Variants in RBPJ observed in about 807,000 individuals in gnomAD.
The protein encoded by RBPJ is recombining binding protein suppressor of hairless.
Under a neutral mutation model 67.8 loss-of-function variants are expected in RBPJ, and 9 were observed. The observed-to-expected ratio is 0.13, with a 90% CI of 0.08 to 0.23. RBPJ has a LOEUF of 0.23. Among genes scored for constraint, RBPJ ranks in the 10% least tolerant of loss-of-function variants. RBPJ has a pLI of 1.00. For missense variants in RBPJ, 305 were observed against 595.6 expected, an observed-to-expected ratio of 0.51 and a Z score of 5.08; for synonymous variants, 198 against 203.3, an observed-to-expected ratio of 0.97 and a Z score of 0.22.
At chr4:26,286,472 C>CAAAAAAAAAAAAAA (rs57556548) in intron 1 of RBPJ, among the ~76,000 whole-genome samples, 1 of 99,490 alleles carries the variant, frequency 1.0e-5, no homozygotes, top group Non-Finnish European at 1.9e-5. Context: ...GACCCTGCCT[C>CAAAAAAAAAAAAAA]AAAAAAAAAA....
At chr4:26,362,538 C>A in intron 1 of RBPJ, 1 of 1,602,622 alleles carries the variant, frequency 6.2e-7, no homozygotes, top group Non-Finnish European at 8.5e-7. Flanking sequence ...GATACAGATA[C>A]ACTGGCTGAG....
At chr4:26,405,123 C>T (rs998003025) in intron 2 of RBPJ, among the ~76,000 whole-genome samples, 14 of 152,158 alleles carry the variant, frequency 9.2e-5, no homozygotes, top group Non-Finnish European at 1.8e-4. Context: ...CTCCTTTAAT[C>T]CCCTCAGCCA....
intron 1 of RBPJ, among the ~76,000 whole-genome samples, chr4:26,348,943 G>A (rs1377994747): frequency 1.3e-5 from 2 of 152,230 alleles, no homozygotes; most frequent in East Asian, 3.9e-4. Flanking sequence ...CTGGCTTCTA[G>A]TTATCCTCCT....
rs1222876551 is a variant in RBPJ at position 26,306,712 on chromosome 4, G to A, written c.-166-55734G>A. On this transcript the variant is annotated intron_variant, in intron 1 of 4. Coordinates refer to the RBPJ transcript ENST00000512351. ...GATCCACCCGCTTCAGCCTCCCAAAGTGCTGGGATTACAGGCATGAGTCAC... is the reference window on the plus strand; with the variant it reads ...GATCCACCCGCTTCAGCCTCCCAAAATGCTGGGATTACAGGCATGAGTCAC... 2.0e-5 allele frequency among the ~76,000 whole-genome samples: 3 copies of A among 151,860 alleles called. No individual in the cohort carries two copies. In the East Asian group the frequency reaches 5.8e-4, roughly 29 times the overall value.
At chr4:26,325,586 T>G (rs971494788) in intron 1 of RBPJ, among the ~76,000 whole-genome samples, 1 of 152,232 alleles carries the variant, frequency 6.6e-6, no homozygotes, top group African/African-American at 2.4e-5. Context: ...GTTGTGAAGA[T>G]TAAATGAGAT....
chr4:26,219,966 G>A (rs1314100675), intron 1 of RBPJ, among the ~76,000 whole-genome samples: 1 of 150,092 alleles, frequency 6.7e-6, no homozygotes, highest in Admixed American at 6.6e-5. Context: ...TGTATTTTTA[G>A]TAGAGACGGG....
chr4:26,263,093 A>C (rs1720592811), intron 1 of RBPJ, among the ~76,000 whole-genome samples: 1 of 152,146 alleles, frequency 6.6e-6, no homozygotes, highest in Admixed American at 6.5e-5. Flanking sequence ...CTAGGTTCGC[A>C]CTTTGATTGT....
intron 1 of RBPJ, among the ~76,000 whole-genome samples, chr4:26,368,843 C>T (rs943665160): frequency 1.3e-5 from 2 of 152,172 alleles, no homozygotes; most frequent in African/African-American, 4.8e-5. Flanking sequence ...CAGGGATAGG[C>T]CAGAGATAAA....
intron 1 of RBPJ, among the ~76,000 whole-genome samples, chr4:26,185,754 G>T (rs766308578): frequency 2.0e-5 from 3 of 152,170 alleles, no homozygotes; most frequent in Non-Finnish European, 2.9e-5. Context: ...GCCAGGCAAA[G>T]GTTGGATATA....
chr4:26,272,708 A>G (rs759988644), intron 1 of RBPJ: 202 of 454,384 alleles, frequency 4.4e-4, no homozygotes, highest in Middle Eastern at 1.6e-3. Context: ...GCTTAAAAAT[A>G]GGGCTTACTT....
chr4:26,287,385 G>C (rs1721501882), intron 1 of RBPJ, among the ~76,000 whole-genome samples: 1 of 151,308 alleles, frequency 6.6e-6, no homozygotes, highest in East Asian at 2.0e-4. Context: ...AGCAAAAAAA[G>C]TAAAAAATAT....
chr4:26,371,453 A>G (rs1185917939), intron 1 of RBPJ, among the ~76,000 whole-genome samples: 5 of 152,228 alleles, frequency 3.3e-5, no homozygotes, highest in Non-Finnish European at 5.9e-5. Flanking sequence ...CTATTAAGAA[A>G]AAATACTGCC....
the RBPJ span, among the ~76,000 whole-genome samples, chr4:26,114,251 G>A: frequency 1.3e-4 from 20 of 152,032 alleles, no homozygotes; most frequent in East Asian, 1.9e-4. Context: ...CTGAGGTCAG[G>A]AGTTCGAGAC....
chr4:26,386,333 C>A lies in RBPJ; in HGVS notation c.21-20C>A. ...CATAAAGCTTACTTAACTTTATTTT[C>A]TTTATTTTTTTTTTTCCAGGAAATT... On this transcript the variant is annotated intron_variant, in intron 1 of 10. Coordinates refer to ENST00000355476, the MANE Select transcript of RBPJ (RefSeq NM_015874.6). 6.5e-7 allele frequency: 1 copy of A among 1,526,750 alleles called. No individual in the cohort carries two copies. The highest frequency in any genetic ancestry group is 8.8e-7 in the Non-Finnish European group (1 of 1,131,756). 94.6% of individuals were successfully genotyped at this position (1,526,750 alleles called of 1,614,324 possible).
At chr4:26,302,536 C>T (rs1430484322) in intron 1 of RBPJ, among the ~76,000 whole-genome samples, 1 of 152,188 alleles carries the variant, frequency 6.6e-6, no homozygotes, top group Non-Finnish European at 1.5e-5. Flanking sequence ...CAAGTCTCCC[C>T]AGCGTTGGGG....
intron 1 of RBPJ, among the ~76,000 whole-genome samples, chr4:26,174,191 G>C (rs1383422378): frequency 1.3e-5 from 2 of 152,226 alleles, no homozygotes; most frequent in African/African-American, 4.8e-5. Context: ...TCTGAACTCA[G>C]ACAGCTCGGG....
chr4:26,129,693 C>A, the RBPJ span, among the ~76,000 whole-genome samples: 1 of 152,138 alleles, frequency 6.6e-6, no homozygotes, highest in African/African-American at 2.4e-5. Context: ...CAGTTGAAGA[C>A]TTTCAGCAAC....
chr4:26,195,589 T>G (rs1380115951), intron 1 of RBPJ, among the ~76,000 whole-genome samples: 3 of 152,154 alleles, frequency 2.0e-5, no homozygotes, highest in Non-Finnish European at 4.4e-5. Context: ...AGTATGTTTT[T>G]TTTTGTTTTG....
rs73810904 is a variant in RBPJ, at chr4:26,416,883, T to C, written c.321+1243T>C. On this transcript the variant is annotated intron_variant, in intron 4 of 10. Coordinates refer to ENST00000355476, the MANE Select transcript of RBPJ (RefSeq NM_015874.6). ...GCTGTTTGTATGTCATTTATATCTT[T>C]ATAGTTTTTGTAAGTAAGATTTGTT... 5.5e-3 allele frequency among the ~76,000 whole-genome samples: 832 copies of C among 152,362 alleles called. 11 individuals are homozygous for C. Among genetic ancestry groups the C allele is most frequent in the African/African-American group, 0.018 (756 of 41,592 alleles).
Sources: allele counts gnomAD v4.1 joint callset (sites outside exome capture counted in the v4.1 genomes callset), GRCh38; gene constraint gnomAD v4.1.1; transcripts MANE v1.5; gene names NCBI Gene and HGNC (gene_info 2026-07-23, HGNC 2026-07-21).